Variants in MICAL2 observed in about 807,000 individuals in gnomAD.
MICAL2 encodes [F-actin]-monooxygenase MICAL2.
A neutral mutation model predicts 127.3 loss-of-function variants in MICAL2; 77 were observed. The observed-to-expected ratio is 0.60, with a 90% CI of 0.50 to 0.73. The LOEUF is 0.73. Among genes scored for constraint, MICAL2 ranks in the 30% least tolerant of loss-of-function variants. The pLI is 0.00. For synonymous variants in MICAL2, 570 were observed against 551.1 expected, an observed-to-expected ratio of 1.03 and a Z score of -0.48; for missense variants, 1,351 against 1,434.4, an observed-to-expected ratio of 0.94 and a Z score of 0.94.
Position 12,162,311 on chromosome 11 carries a change from G to T in MICAL2, c.156G>T (p.Lys52Asn). Residue 52 changes from lysine (K) to asparagine (N), a missense_variant, in exon 3 of 28, where the codon AAG becomes AAT. By Grantham distance (94) the Lys-to-Asn change is moderately conservative. This residue lies in a region of MICAL2 where 599 missense variants were observed against 714.9 expected (regional missense o/e 0.84). Coordinates refer to ENST00000683283, the MANE Select transcript of MICAL2 (RefSeq NM_001282663.2). ...DPLDHRNFYS[K>N]LKSKVTTWKA... is the part of the protein sequence containing the mutation. ...TGGACCACAGAAACTTTTATTCCAA[G>T]CTCAAGTCCAAGGTGACCACCTGGA... 6.2e-7 allele frequency: 1 copy of T among 1,614,222 alleles called. No individual in the cohort carries two copies. The highest frequency in any genetic ancestry group is 1.7e-5 in the Admixed American group (1 of 60,024).
intron 2 of MICAL2, among the ~76,000 whole-genome samples, chr11:12,286,222 G>T (rs1211631771): frequency 6.6e-6 from 1 of 152,192 alleles, no homozygotes; most frequent in Non-Finnish European, 1.5e-5. Context: ...CCACAGCAAT[G>T]ATGGTCCACA....
intron 30 of MICAL2, among the ~76,000 whole-genome samples, chr11:12,320,359 ACTCTTTAAACAACT>A (rs2134839875): frequency 6.6e-6 from 1 of 152,166 alleles, no homozygotes; most frequent in East Asian, 1.9e-4. Context: ...TTTTTGGAGA[ACTCTTTAAACAACT>A]CTCATATCCA....
intron 6 of MICAL2, among the ~76,000 whole-genome samples, 192 bp from the exon 7 acceptor site, chr11:12,213,063 G>A (rs916270473): frequency 6.8e-6 from 1 of 146,008 alleles, no homozygotes; most frequent in Admixed American, 6.8e-5. Context: ...TTTTAGAAAC[G>A]GACAGTCTCA....
chr11:12,257,097 T>C (rs574156748), intron 24 of MICAL2, 126 bp downstream of exon 24: 2 of 1,042,394 alleles, frequency 1.9e-6, no homozygotes, highest in South Asian at 3.5e-5. Flanking sequence ...TATGATGTCA[T>C]CAGGAAAGCT....
chr11:12,357,728 C>T (rs1939150115), intron 34 of MICAL2, among the ~76,000 whole-genome samples: 1 of 152,098 alleles, frequency 6.6e-6, no homozygotes, highest in African/African-American at 2.4e-5. Flanking sequence ...ATCCCAGCTA[C>T]TCAGGAGGCT....
intron 1 of MICAL2, among the ~76,000 whole-genome samples, chr11:12,125,042 C>T (rs996474275): frequency 2.6e-5 from 4 of 152,200 alleles, no homozygotes; most frequent in South Asian, 2.1e-4. Context: ...TCTGCAAAGC[C>T]AGGCTTAGCC....
Position 12,162,152 on chromosome 11 carries a change from A to T in MICAL2, c.-4A>T, listed in dbSNP as rs780593877. On this transcript the variant is annotated 5_prime_UTR_variant, in exon 3 of 28. Transcript: ENST00000683283. Reference sequence around the variant, plus strand: ...GCACCACTGCCGCACACGACTCCTGAACCATGGGGGAAAACGAGGATGAGA... The same window carrying T: ...GCACCACTGCCGCACACGACTCCTGTACCATGGGGGAAAACGAGGATGAGA... 1 of 1,614,110 alleles carries T rather than the reference A, an allele frequency of 6.2e-7. No homozygotes were observed. Among genetic ancestry groups the T allele is most frequent in the East Asian group, 2.2e-5 (1 of 44,876 alleles).
At chr11:12,183,907 G>A (rs1857813241) in intron 3 of MICAL2, among the ~76,000 whole-genome samples, 2 of 152,272 alleles carry the variant, frequency 1.3e-5, no homozygotes, top group Non-Finnish European at 2.9e-5. Flanking sequence ...AGCCTCCCGA[G>A]TAGCTGGGAC....
chr11:12,281,846 AGTTG>A (rs1273737362), intron 2 of MICAL2, among the ~76,000 whole-genome samples: 2 of 152,196 alleles, frequency 1.3e-5, no homozygotes, highest in Non-Finnish European at 2.9e-5. Flanking sequence ...TTTAATACAA[AGTTG>A]ACCTGGAACT....
At chr11:12,346,893 C>A (rs114128893) in intron 32 of MICAL2, among the ~76,000 whole-genome samples, 1,559 of 152,132 alleles carry the variant, frequency 0.01, 19 homozygotes, top group African/African-American at 0.035. Flanking sequence ...ATTTCCCTCC[C>A]TCCTCCCTTT....
At chr11:12,215,421 A>C (rs1665374819) in intron 7 of MICAL2, among the ~76,000 whole-genome samples, 1 of 152,200 alleles carries the variant, frequency 6.6e-6, no homozygotes, top group Non-Finnish European at 1.5e-5. Context: ...CCCTTCAAAT[A>C]AGCCAGTCAG....
chr11:12,360,054 T>C (rs1274287967), downstream of MICAL2, among the ~76,000 whole-genome samples: 4 of 152,026 alleles, frequency 2.6e-5, no homozygotes, highest in African/African-American at 4.8e-5. Context: ...AATCTTTCTA[T>C]GTTATAGCAA....
chr11:12,348,584 T>G (rs1938994591), intron 32 of MICAL2, among the ~76,000 whole-genome samples: 1 of 152,214 alleles, frequency 6.6e-6, no homozygotes, highest in Admixed American at 6.5e-5. Flanking sequence ...AAAAGGGAAC[T>G]AATTTTTATG....
chr11:12,329,500 C>CGCCAATAA (rs1406614758), intron 32 of MICAL2, among the ~76,000 whole-genome samples: 2 of 152,114 alleles, frequency 1.3e-5, no homozygotes, highest in Non-Finnish European at 2.9e-5. Context: ...GAGCTGTGGG[C>CGCCAATAA]GCCAATAAGC....
At chr11:12,236,333 C>T (rs1228336802) in intron 16 of MICAL2, 88 bp downstream of exon 16, 14 of 1,170,712 alleles carry the variant, frequency 1.2e-5, no homozygotes, top group Non-Finnish European at 3.8e-6. Context: ...GCAGCCTGGC[C>T]CTGTTCCTTC....
At chr11:12,235,492 C>T (rs1319275197) in intron 15 of MICAL2, among the ~76,000 whole-genome samples, 7 of 152,144 alleles carry the variant, frequency 4.6e-5, no homozygotes, top group Non-Finnish European at 1.0e-4. Context: ...GGGTAAAAAG[C>T]GGTAAATCAG....
At chr11:12,153,274 A>C (rs933783406) in intron 2 of MICAL2, 1 of 152,070 alleles carries the variant, frequency 6.6e-6, no homozygotes, top group Non-Finnish European at 1.5e-5. Flanking sequence ...CTTGGACTCA[A>C]GCAATCCTCC....
upstream of MICAL2, among the ~76,000 whole-genome samples, chr11:12,271,915 C>A (rs75479221): frequency 0.021 from 3,268 of 152,196 alleles, 49 homozygotes; most frequent in Non-Finnish European, 0.036. Context: ...AGAGGAAGTA[C>A]CAGCTTCTTT....
intron 34 of MICAL2, chr11:12,358,207 A>G: frequency 7.7e-7 from 1 of 1,291,872 alleles, no homozygotes; most frequent in Non-Finnish European, 1.1e-6. Flanking sequence ...AGGCAGAACA[A>G]GTCCATAACA....
Sources: allele counts gnomAD v4.1 joint callset (sites outside exome capture counted in the v4.1 genomes callset), GRCh38; gene constraint gnomAD v4.1.1; regional missense constraint gnomAD v4.1.1; transcripts MANE v1.5; gene names NCBI Gene and HGNC (gene_info 2026-07-23, HGNC 2026-07-21).